Variants in SLC30A9 observed in about 807,000 individuals in gnomAD.
The protein encoded by SLC30A9 is solute carrier family 30 member 9.
A neutral mutation model predicts 87.5 loss-of-function variants in SLC30A9; 58 were observed. That is an observed-to-expected ratio of 0.66 (90% CI 0.54 to 0.82). The LOEUF is 0.82. Among genes scored for constraint, SLC30A9 ranks in the 40% least tolerant of loss-of-function variants. The pLI is 0.00. For synonymous variants in SLC30A9, 234 were observed against 233.0 expected (o/e 1.00, Z -0.04); for missense variants, 557 against 679.1 (o/e 0.82, Z 2.00).
rs1455205708 is a variant in SLC30A9 at position 42,082,650 on chromosome 4, C to A, written c.1663-3432C>A. Among the ~76,000 whole-genome samples, 3 of 152,160 alleles carry A rather than the reference C, an allele frequency of 2.0e-5. No individual in the cohort carries two copies. In the East Asian group the frequency reaches 5.8e-4, roughly 29 times the overall value. Reference sequence around the variant, plus strand: ...ATCACCTGAGGTCAGGAGTTCAAGACCAGCCTGACCAATATGGTGAAACCC... The same window carrying A: ...ATCACCTGAGGTCAGGAGTTCAAGAACAGCCTGACCAATATGGTGAAACCC... On this transcript the variant is annotated intron_variant, in intron 17 of 17. Coordinates refer to ENST00000264451, the MANE Select transcript of SLC30A9 (RefSeq NM_006345.4).
rs779412676 is a variant in SLC30A9 at position 42,018,212 on chromosome 4, T to G, written c.334+42T>G. ...CTATTTTTGTATTATAAAGATGTTT[T>G]GAATTAAATATATAACATTGGTTTA... On this transcript the variant is annotated intron_variant, in intron 3 of 17. Coordinates refer to ENST00000264451, the MANE Select transcript of SLC30A9 (RefSeq NM_006345.4). 2.7e-6 allele frequency: 3 copies of G among 1,110,200 alleles called. No homozygotes were observed. The African/African-American group carries it at 4.8e-5, about 18-fold the overall frequency. The allele number at this position is 1,110,200 out of a possible 1,614,324, so 68.8% of individuals were successfully genotyped here.
intron 2 of SLC30A9, among the ~76,000 whole-genome samples, chr4:42,008,943 A>G (rs1439027708): frequency 6.6e-6 from 1 of 152,202 alleles, no homozygotes; most frequent in Non-Finnish European, 1.5e-5. Context: ...GATTTTATGC[A>G]ATGAAAGAAT....
rs5857827 is a variant in SLC30A9 at position 41,997,159 on chromosome 4, CA to C, written c.110-4445del. Among the ~76,000 whole-genome samples the C allele has an allele frequency of 1.1e-3, 157 of 147,240 alleles. No homozygotes were observed. In the Middle Eastern group the frequency reaches 0.017, roughly 16 times the overall value. ...CATCATCTCCTATTGTTTCCTAACTCAAAAAAAAAAAAGATTCTCTGTTTTT... is the reference window on the plus strand; with the variant it reads ...CATCATCTCCTATTGTTTCCTAACTCAAAAAAAAAAAGATTCTCTGTTTTT... On this transcript the variant is annotated intron_variant, in intron 1 of 17. Transcript: ENST00000264451.
rs2153142064 is a variant in SLC30A9, at chr4:42,088,604, C to T, written c.*2478C>T. 1 of 152,616 alleles carries T rather than the reference C, an allele frequency of 6.6e-6. No homozygotes were observed. Among genetic ancestry groups the T allele is most frequent in the East Asian group, 1.9e-4 (1 of 5,194 alleles). The allele number at this position is 152,616 out of a possible 1,614,324, so 9.5% of individuals were successfully genotyped here. On this transcript the variant is annotated 3_prime_UTR_variant, in exon 18 of 18. Transcript: ENST00000264451. ...GAAGCAGTCATAGCCAGAGGAAGAG[C>T]AAGAGGCGGGGATTGGGGGTAGGTG...
Position 42,020,399 on chromosome 4 carries a change from T to C in SLC30A9, c.335-17T>C. ...TTCAATGTGCATATTTATTATGTTT[T>C]CCTGTTTTTTGTTTAGTTAAAGCAG... On this transcript the variant is annotated splice_polypyrimidine_tract_variant and intron_variant, in intron 3 of 17. Transcript: ENST00000264451. The C allele has an allele frequency of 8.4e-7, 1 of 1,194,978 alleles. No homozygotes were observed. Among genetic ancestry groups the C allele is most frequent in the Admixed American group, 1.9e-5 (1 of 51,786 alleles). The allele number at this position is 1,194,978 out of a possible 1,614,324, so 74.0% of individuals were successfully genotyped here. A position where few individuals can be genotyped will look rare whatever the true frequency, so the allele number is the denominator to read the frequency against.
intron 17 of SLC30A9, among the ~76,000 whole-genome samples, chr4:42,084,504 G>T (rs899681189): frequency 4.0e-5 from 6 of 151,280 alleles, no homozygotes; most frequent in African/African-American, 1.5e-4. Context: ...ATGGAGTCCC[G>T]CTCTGTCGCC....
intron 7 of SLC30A9, 108 bp from the exon 8 acceptor site, chr4:42,038,878 T>A: frequency 1.5e-6 from 1 of 673,498 alleles, no homozygotes; most frequent in Non-Finnish European, 2.7e-6. Context: ...GTAAATCTAA[T>A]TCAGAAGTTT....
chr4:42,020,171 C>T (rs574659014), intron 3 of SLC30A9, among the ~76,000 whole-genome samples: 2 of 152,266 alleles, frequency 1.3e-5, no homozygotes, highest in South Asian at 4.1e-4. Context: ...TCAAGGTGTT[C>T]ATTAGACAAA....
At position 42,089,644 on chromosome 4, in the gene SLC30A9, C is replaced by A. The variant is rs981221597; in HGVS notation, c.*3518C>A. 1 of 152,160 alleles carries A rather than the reference C, an allele frequency of 6.6e-6. No homozygotes were observed. Among genetic ancestry groups the A allele is most frequent in the Admixed American group, 6.5e-5 (1 of 15,278 alleles). The allele number at this position is 152,160 out of a possible 1,614,324, so 9.4% of individuals were successfully genotyped here. On this transcript the variant is annotated 3_prime_UTR_variant, in exon 18 of 18. Transcript: ENST00000264451. ...GTTGGTCAGGCTGGTCTTGAACTGCCGACCTCAGGTGATCCGCCCTCCTCG... is the reference window on the plus strand; with the variant it reads ...GTTGGTCAGGCTGGTCTTGAACTGCAGACCTCAGGTGATCCGCCCTCCTCG...
intron 9 of SLC30A9, among the ~76,000 whole-genome samples, chr4:42,059,541 A>G (rs113402227): frequency 6.6e-6 from 1 of 152,248 alleles, no homozygotes; most frequent in Non-Finnish European, 1.5e-5. Context: ...ATTCCTGTGC[A>G]TGGTTTTGCA....
intron 15 of SLC30A9, among the ~76,000 whole-genome samples, chr4:42,074,284 C>A (rs1718434711): frequency 6.6e-6 from 1 of 152,144 alleles, no homozygotes; most frequent in African/African-American, 2.4e-5. Context: ...TGCTCAGGAT[C>A]CCTCAGAAAT....
intron 1 of SLC30A9, among the ~76,000 whole-genome samples, 178 bp downstream of exon 1, chr4:41,990,938 C>CT (rs755252789): frequency 2.0e-5 from 3 of 152,088 alleles, no homozygotes; most frequent in Non-Finnish European, 4.4e-5. Context: ...TGACAGGTCT[C>CT]TGACTCTGAT....
intron 6 of SLC30A9, among the ~76,000 whole-genome samples, chr4:42,031,327 C>T (rs1716427069): frequency 6.6e-6 from 1 of 151,488 alleles, no homozygotes; most frequent in African/African-American, 2.4e-5. Context: ...CCTATAGTTC[C>T]AGAAGTGTTT....
intron 14 of SLC30A9, 77 bp from the exon 15 acceptor site, chr4:42,070,449 G>A (rs2153140583): frequency 8.9e-7 from 1 of 1,123,654 alleles, no homozygotes; most frequent in East Asian, 2.4e-5. Flanking sequence ...TACTCGTTCT[G>A]GTTCTTTGCT....
chr4:42,033,674 C>T (rs1208215169), intron 6 of SLC30A9, among the ~76,000 whole-genome samples: 1 of 152,100 alleles, frequency 6.6e-6, no homozygotes, highest in African/African-American at 2.4e-5. Flanking sequence ...CTCCTGGGTT[C>T]AAGCAATTCT....
rs141656786 is a variant in SLC30A9 at position 42,005,719 on chromosome 4, G to A, written c.274+3939G>A. Among the ~76,000 whole-genome samples the A allele has an allele frequency of 3.2e-3, 480 of 152,166 alleles. 4 individuals are homozygous for A. Among genetic ancestry groups the A allele is most frequent in the African/African-American group, 0.011 (449 of 41,516 alleles). On this transcript the variant is annotated intron_variant, in intron 2 of 17. Coordinates refer to ENST00000264451, the MANE Select transcript of SLC30A9 (RefSeq NM_006345.4). ...CTTTCACTTCATTTTTGGCCTTTTC[G>A]TATCATTTTTTGCTAGACTAACAAT... is the stretch of plus-strand genomic sequence containing the variant.
chr4:42,027,493 C>T (rs1716245554), intron 6 of SLC30A9, among the ~76,000 whole-genome samples: 1 of 151,262 alleles, frequency 6.6e-6, no homozygotes, highest in African/African-American at 2.4e-5. Flanking sequence ...GAGTGCATAC[C>T]TGTCTGGTGA....
At chr4:42,052,420 T>A (rs989792953) in intron 9 of SLC30A9, among the ~76,000 whole-genome samples, 1 of 152,194 alleles carries the variant, frequency 6.6e-6, no homozygotes, top group Non-Finnish European at 1.5e-5. Flanking sequence ...AATTCCAAAA[T>A]TCATACGGAC....
intron 6 of SLC30A9, 95 bp from the exon 7 acceptor site, chr4:42,035,180 C>T (rs1406325382): frequency 1.1e-5 from 14 of 1,233,962 alleles, no homozygotes; most frequent in Non-Finnish European, 1.6e-5. Context: ...GCTAGTAGCG[C>T]ATATTTAACA....
Sources: gnomAD v4.1 joint callset for allele counts (sites outside exome capture counted in the v4.1 genomes callset) on GRCh38, gnomAD v4.1.1 for gene constraint, MANE v1.5 for transcripts, NCBI Gene and HGNC (gene_info 2026-07-23, HGNC 2026-07-21) for gene names.